Variants in FTO observed in about 807,000 individuals in gnomAD.
The protein encoded by FTO is FTO alpha-ketoglutarate dependent dioxygenase, also known as alpha-ketoglutarate-dependent dioxygenase FTO.
FTO carries 47 observed loss-of-function variants against 63.9 expected under a neutral mutation model. That is an observed-to-expected ratio of 0.74 (90% confidence interval 0.58 to 0.94). The LOEUF (loss-of-function observed/expected upper bound fraction) is 0.94, where lower values mean the gene tolerates loss of function less well. FTO is among the 40% of genes least tolerant of loss of function. The probability of loss-of-function intolerance (pLI) is 0.00; values close to 1 mark genes in which losing one functional copy is unlikely to be tolerated. For synonymous variants in FTO, 207 were observed against 224.4 expected (o/e 0.92, Z 0.69); for missense variants, 562 against 618.1 (o/e 0.91, Z 0.96).
At chr16:54,111,692 A>G (rs1192477841) in intron 8 of FTO, 70 bp from the exon 9 acceptor site, 27 of 1,556,338 alleles carry the variant, frequency 1.7e-5, no homozygotes, top group Non-Finnish European at 2.4e-5. Context: ...TGTTGCTCCA[A>G]GCTTCCTGTG....
At chr16:53,824,064 G>C (rs907261929) in intron 2 of FTO, among the ~76,000 whole-genome samples, 3 of 152,048 alleles carry the variant, frequency 2.0e-5, no homozygotes, top group African/African-American at 7.2e-5. Flanking sequence ...CACATTCCAC[G>C]CTCACATGTG....
intron 8 of FTO, among the ~76,000 whole-genome samples, chr16:54,089,914 G>C (rs1227665148): frequency 6.6e-6 from 1 of 151,750 alleles, no homozygotes; most frequent in Non-Finnish European, 1.5e-5. Context: ...GAGAAATGGG[G>C]CTCCTCCATT....
At chr16:54,104,693 C>G (rs2086709997) in intron 8 of FTO, among the ~76,000 whole-genome samples, 1 of 152,196 alleles carries the variant, frequency 6.6e-6, no homozygotes, top group African/African-American at 2.4e-5. Flanking sequence ...TGCCCTCAAA[C>G]AGACTCCTAC....
chr16:53,851,866 T>A (rs12448833), intron 4 of FTO, among the ~76,000 whole-genome samples: 1 of 151,812 alleles, frequency 6.6e-6, no homozygotes, highest in East Asian at 1.9e-4. Context: ...AAACTCCACC[T>A]ATCCCCAAGT....
intron 2 of FTO, among the ~76,000 whole-genome samples, chr16:53,820,014 T>C (rs1403339823): frequency 7.3e-5 from 11 of 150,064 alleles, no homozygotes; most frequent in East Asian, 1.9e-4. Flanking sequence ...TCTTCTTCTT[T>C]TTTTTTTTTT....
rs556199773 is a variant in FTO at position 54,048,751 on chromosome 16, G to A, written c.1365-63011G>A. Among the ~76,000 whole-genome samples, 630 of 152,306 alleles carry A rather than the reference G, an allele frequency of 4.1e-3. 3 individuals are homozygous for A. The highest frequency in any genetic ancestry group is 8.7e-3 in the Admixed American group (133 of 15,294). On this transcript the variant is annotated intron_variant, in intron 8 of 8. Transcript: ENST00000471389. ...ATTGACTTTGCCTCCAGCCTGATAA[G>A]TATTCCATGCACATTCAAGCCTCCG...
At position 53,826,290 on chromosome 16, in the gene FTO, TC is replaced by T; in HGVS notation, c.552del (p.Tyr185ThrfsTer17). On this transcript the variant is annotated frameshift_variant, in exon 3 of 9. Transcript: ENST00000471389. LOFTEE classifies it high-confidence loss of function. ...TTTCCCCAGGGTTGGGATGGGTTCATCCTACAACGGACAAGATGAAGTGGAC... is the reference window on the plus strand; with the variant it reads ...TTTCCCCAGGGTTGGGATGGGTTCATCTACAACGGACAAGATGAAGTGGAC... ...ADFPRVGMGS[S>X]YNGQDEVDIK... The T allele has an allele frequency of 6.2e-7, 1 of 1,614,180 alleles. No individual in the cohort carries two copies. Among genetic ancestry groups the T allele is most frequent in the Non-Finnish European group, 8.5e-7 (1 of 1,180,020 alleles).
intron 4 of FTO, among the ~76,000 whole-genome samples, chr16:53,863,201 C>T (rs922946420): frequency 6.6e-6 from 1 of 152,298 alleles, no homozygotes; most frequent in East Asian, 1.9e-4. Context: ...AAAATTTTAT[C>T]ATGTCAGTTC....
chr16:54,114,792 C>T lies in FTO; in HGVS notation c.*2877C>T, dbSNP rs1368217900. The stretch of plus-strand genomic sequence containing the variant: ...TGGTGGTGTGTGCCTGTAATCCCAG[C>T]TACTCGGGAGGCTGAGGCAGGCAAA... On this transcript the variant is annotated 3_prime_UTR_variant, in exon 9 of 9. Coordinates refer to ENST00000471389, the MANE Select transcript of FTO (RefSeq NM_001080432.3). The T allele has an allele frequency of 1.3e-5, 2 of 152,564 alleles. No homozygotes were observed. The highest frequency in any genetic ancestry group is 2.9e-5 in the Non-Finnish European group (2 of 68,342). The allele number at this position is 152,564 out of a possible 1,614,324, so 9.5% of individuals were successfully genotyped here.
At chr16:53,813,807 C>T (rs1413766147) in intron 2 of FTO, among the ~76,000 whole-genome samples, 1 of 152,148 alleles carries the variant, frequency 6.6e-6, no homozygotes, top group Non-Finnish European at 1.5e-5. Flanking sequence ...CCACAACAGC[C>T]TCATTCATTG....
At chr16:53,969,322 C>T (rs1337627903) in intron 8 of FTO, among the ~76,000 whole-genome samples, 1 of 152,064 alleles carries the variant, frequency 6.6e-6, no homozygotes, top group African/African-American at 2.4e-5. Context: ...ATAACAGTTT[C>T]CCAAGCCTTA....
intron 1 of FTO, among the ~76,000 whole-genome samples, chr16:53,718,283 T>G (rs2075945419): frequency 6.6e-6 from 1 of 152,112 alleles, no homozygotes; most frequent in South Asian, 2.1e-4. Flanking sequence ...ATTTTTTGGT[T>G]ACTATTGAAA....
intron 8 of FTO, among the ~76,000 whole-genome samples, chr16:53,952,549 C>A (rs2082824807): frequency 6.6e-6 from 1 of 152,164 alleles, no homozygotes; most frequent in East Asian, 1.9e-4. Context: ...AGAAAAGTAT[C>A]ATAATTCTTT....
At chr16:53,972,271 C>T (rs957759238) in intron 8 of FTO, among the ~76,000 whole-genome samples, 2 of 151,982 alleles carry the variant, frequency 1.3e-5, no homozygotes, top group Admixed American at 6.6e-5. Flanking sequence ...TGGAAATTTC[C>T]AGTACTTGTA....
At chr16:54,057,832 G>T (rs909663501) in intron 8 of FTO, among the ~76,000 whole-genome samples, 1 of 152,084 alleles carries the variant, frequency 6.6e-6, no homozygotes, top group Non-Finnish European at 1.5e-5. Context: ...GCCCAGCTGC[G>T]TCCACCAACA....
intron 7 of FTO, among the ~76,000 whole-genome samples, chr16:53,920,614 A>C (rs1598993994): frequency 6.6e-6 from 1 of 152,068 alleles, no homozygotes; most frequent in East Asian, 1.9e-4. Context: ...AAGCATCTCC[A>C]ACTCCATGTG....
At chr16:53,849,598 A>G (rs1404409178) in intron 4 of FTO, among the ~76,000 whole-genome samples, 1 of 152,246 alleles carries the variant, frequency 6.6e-6, no homozygotes, top group Admixed American at 6.5e-5. Context: ...GGTGGAGGCC[A>G]GCTTTACTTT....
intron 4 of FTO, among the ~76,000 whole-genome samples, chr16:53,866,553 A>G (rs1171277531): frequency 2.0e-5 from 3 of 152,122 alleles, no homozygotes; most frequent in Non-Finnish European, 4.4e-5. Context: ...TTTAATAGAG[A>G]TAGGCCTATT....
At chr16:54,082,255 C>T (rs927580977) in intron 8 of FTO, among the ~76,000 whole-genome samples, 1 of 152,080 alleles carries the variant, frequency 6.6e-6, no homozygotes, top group Non-Finnish European at 1.5e-5. Context: ...GAAAGCAGAC[C>T]ACCAGATGTT....
Sources: gnomAD v4.1 joint callset for allele counts (sites outside exome capture counted in the v4.1 genomes callset) on GRCh38, gnomAD v4.1.1 for gene constraint, MANE v1.5 for transcripts, NCBI Gene and HGNC (gene_info 2026-07-23, HGNC 2026-07-21) for gene names.